The following SGCZ variants were observed in gnomAD, a reference collection of about 807,000 sequenced individuals.
SGCZ encodes sarcoglycan zeta.
Under a neutral mutation model 41.3 loss-of-function variants are expected in SGCZ, and 40 were observed. The ratio of observed to expected loss-of-function variants is 0.97; its 90% CI spans 0.75 to 1.26. SGCZ has a LOEUF of 1.26. Among genes scored for constraint, SGCZ ranks in the 50% most tolerant of loss-of-function variants. The probability of loss-of-function intolerance (pLI) is 0.00; values close to 1 mark genes in which losing one functional copy is unlikely to be tolerated. For synonymous variants in SGCZ, 206 were observed against 137.5 expected (o/e 1.50, Z -3.49); for missense variants, 552 against 369.8 (o/e 1.49, Z -4.04).
chr8:14,482,452 T>C (rs1801559989), intron 2 of SGCZ, among the ~76,000 whole-genome samples: 1 of 152,206 alleles, frequency 6.6e-6, no homozygotes, highest in Admixed American at 6.5e-5. Context: ...TTTCCTCCTT[T>C]AATCTCCCTT....
chr8:14,882,465 T>A (rs1049451145), intron 1 of SGCZ, among the ~76,000 whole-genome samples: 2 of 152,272 alleles, frequency 1.3e-5, no homozygotes, highest in Non-Finnish European at 2.9e-5. Context: ...TATCTATGTG[T>A]TAGAGTGAAT....
intron 3 of SGCZ, among the ~76,000 whole-genome samples, chr8:14,299,980 A>T (rs192405459): frequency 3.1e-4 from 47 of 152,148 alleles, no homozygotes; most frequent in African/African-American, 1.1e-3. Context: ...AAATGCAAGA[A>T]TATACACTAT....
chr8:14,229,969 C>T (rs7830988), intron 4 of SGCZ, among the ~76,000 whole-genome samples: 90,929 of 151,876 alleles, frequency 0.6, 27,558 homozygotes, highest in East Asian at 0.76. Context: ...TTTTTATATG[C>T]CATAACTTGA....
intron 1 of SGCZ, among the ~76,000 whole-genome samples, chr8:14,596,802 C>A (rs565894574): frequency 1.3e-5 from 2 of 152,026 alleles, no homozygotes; most frequent in African/African-American, 4.8e-5. Flanking sequence ...CAAACCTGCA[C>A]ATTTTGCACA....
At chr8:14,459,736 A>G (rs929955010) in intron 2 of SGCZ, among the ~76,000 whole-genome samples, 3 of 152,200 alleles carry the variant, frequency 2.0e-5, no homozygotes, top group African/African-American at 7.2e-5. Flanking sequence ...CTAATATGAT[A>G]CACTGAAAAG....
chr8:14,722,909 A>G (rs907448789), intron 1 of SGCZ, among the ~76,000 whole-genome samples: 1 of 152,194 alleles, frequency 6.6e-6, no homozygotes, highest in African/African-American at 2.4e-5. Context: ...ACAGTAAACA[A>G]AGAAAAAACT....
chr8:14,410,981 T>C (rs1025414556), intron 2 of SGCZ, among the ~76,000 whole-genome samples: 1 of 152,270 alleles, frequency 6.6e-6, no homozygotes, highest in East Asian at 1.9e-4. Flanking sequence ...TCAATAGCAA[T>C]TTTAAAAACA....
chr8:14,987,341 T>C (rs1801858238), intron 1 of SGCZ, among the ~76,000 whole-genome samples: 1 of 151,910 alleles, frequency 6.6e-6, no homozygotes, highest in Non-Finnish European at 1.5e-5. Context: ...ATGAATTCAT[T>C]TCAAATATCA....
intron 1 of SGCZ, among the ~76,000 whole-genome samples, chr8:15,209,817 C>A (rs549170370): frequency 1.0e-3 from 158 of 152,188 alleles, no homozygotes; most frequent in African/African-American, 3.6e-3. Flanking sequence ...GTAGGCTGTA[C>A]TTCTCCCAGC....
chr8:15,234,557 T>C (rs1384735691), intron 1 of SGCZ, among the ~76,000 whole-genome samples: 1 of 151,428 alleles, frequency 6.6e-6, no homozygotes, highest in African/African-American at 2.4e-5. Context: ...CTTACCTTCA[T>C]TAGCAAGTTT....
chr8:15,042,275 T>G (rs536955731), intron 1 of SGCZ, among the ~76,000 whole-genome samples: 2 of 152,154 alleles, frequency 1.3e-5, no homozygotes, highest in Non-Finnish European at 2.9e-5. Context: ...AATGCCTAGC[T>G]GACGGCAGTT....
chr8:14,320,362 G>A (rs1344810962), intron 3 of SGCZ, among the ~76,000 whole-genome samples: 1 of 151,716 alleles, frequency 6.6e-6, no homozygotes, highest in South Asian at 2.1e-4. Context: ...GAGGTAAGGA[G>A]ATTAGCATGT....
At chr8:14,439,329 A>ATC (rs906193113) in intron 2 of SGCZ, among the ~76,000 whole-genome samples, 26 of 149,306 alleles carry the variant, frequency 1.7e-4, no homozygotes, top group African/African-American at 6.3e-4. Flanking sequence ...ATATATATAT[A>ATC]TCTCCTCATG....
chr8:14,542,351 G>T (rs1416378345), intron 2 of SGCZ, among the ~76,000 whole-genome samples: 1 of 151,846 alleles, frequency 6.6e-6, no homozygotes, highest in African/African-American at 2.4e-5. Context: ...CAGGAGAAAA[G>T]GGCACTATCA....
intron 4 of SGCZ, among the ~76,000 whole-genome samples, chr8:14,209,108 G>C (rs1805711783): frequency 2.0e-5 from 3 of 152,164 alleles, no homozygotes; most frequent in Admixed American, 2.0e-4. Flanking sequence ...GTAAGAAGCA[G>C]AAAACACGGC....
At chr8:14,369,085 TTAAA>T (rs1313721983) in intron 2 of SGCZ, among the ~76,000 whole-genome samples, 2 of 151,342 alleles carry the variant, frequency 1.3e-5, no homozygotes, top group African/African-American at 2.4e-5. Flanking sequence ...TATTTTCTTA[TTAAA>T]TATAGTACAA....
At chr8:14,370,696 G>A (rs905884023) in intron 2 of SGCZ, among the ~76,000 whole-genome samples, 16 of 151,744 alleles carry the variant, frequency 1.1e-4, no homozygotes, top group Admixed American at 6.6e-5. Context: ...AAGCATACTA[G>A]TTACACAGCG....
chr8:14,418,698 A>T (rs551185926), intron 2 of SGCZ, among the ~76,000 whole-genome samples: 156 of 152,126 alleles, frequency 1.0e-3, no homozygotes, highest in African/African-American at 3.6e-3. Flanking sequence ...AACATGCCAC[A>T]ATCAATTTAT....
chr8:14,373,178 G>A (rs956901947), intron 2 of SGCZ, among the ~76,000 whole-genome samples: 1 of 152,172 alleles, frequency 6.6e-6, no homozygotes, highest in Non-Finnish European at 1.5e-5. Context: ...TTGAGTGCAT[G>A]AGGTTAAGCA....
Sources: allele counts gnomAD v4.1 joint callset (sites outside exome capture counted in the v4.1 genomes callset), GRCh38; gene constraint gnomAD v4.1.1; transcripts MANE v1.5; gene names NCBI Gene and HGNC (gene_info 2026-07-23, HGNC 2026-07-21).